Variants in LRP1B observed in about 807,000 individuals in gnomAD.
The protein encoded by LRP1B is low-density lipoprotein receptor-related protein 1B.
Under a neutral mutation model 556.6 loss-of-function variants are expected in LRP1B, and 217 were observed. That is an observed-to-expected ratio of 0.39 (90% CI 0.35 to 0.44). The LOEUF (loss-of-function observed/expected upper bound fraction) is 0.44. Among genes scored for constraint, LRP1B ranks in the 20% least tolerant of loss-of-function variants. The pLI, the probability that LRP1B is intolerant of heterozygous loss-of-function variation, is 1.00. For missense variants in LRP1B, 5,053 were observed against 5,620.8 expected (o/e 0.90, Z 3.23); for synonymous variants, 2,047 against 1,865.8 (o/e 1.10, Z -2.50).
chr2:140,251,670 T>C (rs1276425988), intron 86 of LRP1B, among the ~76,000 whole-genome samples: 2 of 151,808 alleles, frequency 1.3e-5, no homozygotes, highest in Non-Finnish European at 2.9e-5. Flanking sequence ...TCTTTTAATA[T>C]ACCCCTTTCT....
chr2:140,649,583 G>C (rs1032105037), intron 41 of LRP1B, among the ~76,000 whole-genome samples: 2 of 152,128 alleles, frequency 1.3e-5, no homozygotes. Flanking sequence ...TTTGATAAAA[G>C]ACAAGTATCC....
chr2:141,335,490 G>A (rs934902452), intron 3 of LRP1B, among the ~76,000 whole-genome samples: 7 of 152,152 alleles, frequency 4.6e-5, no homozygotes, highest in South Asian at 2.1e-4. Context: ...TGCCATCAAA[G>A]ATATTTGGAA....
chr2:142,053,292 T>C (rs1294077153), intron 1 of LRP1B, among the ~76,000 whole-genome samples: 1 of 152,154 alleles, frequency 6.6e-6, no homozygotes, highest in East Asian at 1.9e-4. Flanking sequence ...TAAAAATGTG[T>C]TCATTTTGTT....
intron 18 of LRP1B, among the ~76,000 whole-genome samples, chr2:140,958,231 T>C (rs975215064): frequency 4.0e-5 from 6 of 151,526 alleles, no homozygotes; most frequent in Non-Finnish European, 8.9e-5. Flanking sequence ...TAGATATTTT[T>C]AAAAAATCTA....
At chr2:141,037,496 G>C (rs140527661) in intron 11 of LRP1B, among the ~76,000 whole-genome samples, 4 of 151,882 alleles carry the variant, frequency 2.6e-5, no homozygotes, top group Non-Finnish European at 5.9e-5. Flanking sequence ...TGAAACTCAC[G>C]TCTCAGAATG....
At chr2:141,775,876 T>G (rs1695053191) in intron 2 of LRP1B, among the ~76,000 whole-genome samples, 1 of 150,152 alleles carries the variant, frequency 6.7e-6, no homozygotes, top group Admixed American at 6.7e-5. Context: ...GGAGTCTTGC[T>G]CTGTCACCCA....
chr2:140,841,796 A>G (rs1692113062), intron 29 of LRP1B, among the ~76,000 whole-genome samples: 1 of 152,178 alleles, frequency 6.6e-6, no homozygotes, highest in African/African-American at 2.4e-5. Context: ...TGCACATTGC[A>G]ACTTCCACTT....
chr2:141,615,924 C>T (rs183052250), intron 2 of LRP1B, among the ~76,000 whole-genome samples: 174 of 152,182 alleles, frequency 1.1e-3, no homozygotes, highest in African/African-American at 3.9e-3. Context: ...ATATTAAGGT[C>T]GTAAAAAATA....
intron 2 of LRP1B, among the ~76,000 whole-genome samples, chr2:141,599,698 G>C (rs1687660977): frequency 6.6e-6 from 1 of 152,112 alleles, no homozygotes. Context: ...TGTCAGATCT[G>C]TGCCTTATTT....
At chr2:141,589,815 C>T (rs984138276) in intron 2 of LRP1B, among the ~76,000 whole-genome samples, 6 of 152,058 alleles carry the variant, frequency 3.9e-5, no homozygotes, top group Non-Finnish European at 5.9e-5. Flanking sequence ...CTACCACATC[C>T]TCTTTGGGTA....
chr2:141,126,101 A>G (rs1423980745), intron 7 of LRP1B, among the ~76,000 whole-genome samples: 1 of 150,890 alleles, frequency 6.6e-6, no homozygotes, highest in Non-Finnish European at 1.5e-5. Flanking sequence ...GCAAGATCTC[A>G]GCTCACTGCA....
chr2:140,609,223 G>C (rs1019070125), intron 41 of LRP1B, among the ~76,000 whole-genome samples: 4 of 152,126 alleles, frequency 2.6e-5, no homozygotes, highest in African/African-American at 9.7e-5. Flanking sequence ...GCCACTCCTT[G>C]AGAAATATAA....
At chr2:141,135,614 T>G (rs1701473345) in intron 7 of LRP1B, among the ~76,000 whole-genome samples, 1 of 151,988 alleles carries the variant, frequency 6.6e-6, no homozygotes, top group Admixed American at 6.6e-5. Context: ...ATGAATTTCC[T>G]TTATAAAACT....
At chr2:140,358,757 G>C (rs762717182) in intron 73 of LRP1B, 64 bp downstream of exon 73, 1 of 1,544,206 alleles carries the variant, frequency 6.5e-7, no homozygotes, top group Non-Finnish European at 8.9e-7. Context: ...TAAAATGTTT[G>C]TACTCCAAGT....
At chr2:141,318,759 A>G (rs1428170592) in intron 3 of LRP1B, among the ~76,000 whole-genome samples, 1 of 152,128 alleles carries the variant, frequency 6.6e-6, no homozygotes, top group African/African-American at 2.4e-5. Flanking sequence ...ATGAAGTCTC[A>G]CCATCTTTAT....
At position 141,477,891 on chromosome 2, in the gene LRP1B, T is replaced by C. The variant is rs140967937; in HGVS notation, c.343+2505A>G. Among the ~76,000 whole-genome samples the C allele has an allele frequency of 4.0e-3, 615 of 152,112 alleles. 1 individual carries two copies. Among genetic ancestry groups the C allele is most frequent in the Non-Finnish European group, 7.3e-3 (494 of 67,986 alleles). On this transcript the variant is annotated intron_variant, in intron 3 of 90. Coordinates refer to ENST00000389484, the MANE Select transcript of LRP1B (RefSeq NM_018557.3). ...AGGTCTTTTAAAACACTTTATTTGGTTAAATGTAAAAATATTTAAAAGTCC... is the reference window on the plus strand; with the variant it reads ...AGGTCTTTTAAAACACTTTATTTGGCTAAATGTAAAAATATTTAAAAGTCC...
At chr2:140,458,167 A>T (rs543007454) in intron 60 of LRP1B, among the ~76,000 whole-genome samples, 1 of 152,166 alleles carries the variant, frequency 6.6e-6, no homozygotes, top group East Asian at 1.9e-4. Flanking sequence ...TTATGAAACT[A>T]CTATAAACCT....
intron 1 of LRP1B, among the ~76,000 whole-genome samples, chr2:141,820,144 A>G (rs1285680293): frequency 6.6e-6 from 1 of 152,204 alleles, no homozygotes; most frequent in East Asian, 1.9e-4. Context: ...CTTGAGATTC[A>G]GTGTTACCCT....
At chr2:141,553,827 G>GTATATAATATATCTATATTAATATAGT (rs1685849491) in intron 2 of LRP1B, among the ~76,000 whole-genome samples, 2 of 128,682 alleles carry the variant, frequency 1.6e-5, no homozygotes, top group Non-Finnish European at 3.2e-5. Context: ...ATAGATATAG[G>GTATATAATATATCTATATTAATATAGT]TATATAATAT....
Sources: allele counts gnomAD v4.1 joint callset (sites outside exome capture counted in the v4.1 genomes callset), GRCh38; gene constraint gnomAD v4.1.1; transcripts MANE v1.5; gene names NCBI Gene and HGNC (gene_info 2026-07-23, HGNC 2026-07-21).